DENND1B: variants seen among roughly 807,000 people sequenced by gnomAD.
DENND1B encodes the protein DENN domain-containing protein 1B.
DENND1B carries 59 observed loss-of-function variants against 90.1 expected under a neutral mutation model. The ratio of observed to expected loss-of-function variants is 0.65; its 90% confidence interval spans 0.53 to 0.81. DENND1B has a LOEUF of 0.81. Among genes scored for constraint, DENND1B ranks in the 40% least tolerant of loss-of-function variants. The pLI is 0.00. For missense variants in DENND1B, 862 were observed against 912.6 expected (o/e 0.94, Z 0.71); for synonymous variants, 337 against 324.6 (o/e 1.04, Z -0.41).
intron 2 of DENND1B, among the ~76,000 whole-genome samples, chr1:197,750,892 T>C (rs1031124452): frequency 2.6e-5 from 4 of 152,068 alleles, no homozygotes; most frequent in Non-Finnish European, 5.9e-5. Context: ...AAAGAAGACA[T>C]AATAGTTGTA....
chr1:197,702,626 A>G (rs778420482), intron 3 of DENND1B, among the ~76,000 whole-genome samples: 16 of 152,224 alleles, frequency 1.1e-4, no homozygotes, highest in Non-Finnish European at 1.9e-4. Flanking sequence ...TTGTCTATAT[A>G]CTTTTTCTTC....
At chr1:197,511,310 A>C (rs1668012063) in intron 22 of DENND1B, among the ~76,000 whole-genome samples, 1 of 151,840 alleles carries the variant, frequency 6.6e-6, no homozygotes, top group Non-Finnish European at 1.5e-5. Flanking sequence ...TGCATAAAAT[A>C]ATGTTAAAAA....
In DENND1B at chr1:197,747,140, A is replaced by G. The variant is rs906171115; in HGVS notation, c.82+25728T>C. The stretch of plus-strand genomic sequence containing the variant: ...TCATTCCTCAATTTATCTTTTCTGG[A>G]GCGTTTTCTTTTTTTCCCTCTGAAT... On this transcript the variant is annotated intron_variant, in intron 2 of 22. Transcript: ENST00000620048. The G allele has an allele frequency of 1.3e-5, 10 of 767,520 alleles. No homozygotes were observed. In the African/African-American group the frequency reaches 1.7e-4, roughly 13 times the overall value. The allele number at this position is 767,520 out of a possible 1,614,324, so 47.5% of individuals were successfully genotyped here.
chr1:197,616,574 C>T (rs917703290), intron 11 of DENND1B, among the ~76,000 whole-genome samples: 6 of 151,048 alleles, frequency 4.0e-5, no homozygotes, highest in Non-Finnish European at 7.4e-5. Context: ...AATATATTAA[C>T]GTAATCAATA....
intron 20 of DENND1B, among the ~76,000 whole-genome samples, chr1:197,537,733 A>C (rs1039631697): frequency 6.6e-6 from 1 of 152,048 alleles, no homozygotes; most frequent in Non-Finnish European, 1.5e-5. Flanking sequence ...AGAAATCAGT[A>C]ATGTATTTTT....
intron 15 of DENND1B, among the ~76,000 whole-genome samples, chr1:197,572,460 C>T (rs991663316): frequency 6.6e-6 from 1 of 152,204 alleles, no homozygotes; most frequent in African/African-American, 2.4e-5. Flanking sequence ...AGGCCTACTG[C>T]CTCTATAGAC....
At chr1:197,638,172 G>C (rs1399442914) in intron 10 of DENND1B, among the ~76,000 whole-genome samples, 1 of 152,090 alleles carries the variant, frequency 6.6e-6, no homozygotes, top group Non-Finnish European at 1.5e-5. Flanking sequence ...AAATGCCTGG[G>C]GGCAACTATA....
intron 16 of DENND1B, among the ~76,000 whole-genome samples, chr1:197,551,696 C>G (rs1254283523): frequency 9.2e-5 from 14 of 152,028 alleles, no homozygotes; most frequent in Non-Finnish European, 2.1e-4. Context: ...GCTACTAGCC[C>G]CACGGGTCAT....
chr1:197,763,219 G>A (rs1025607447), intron 2 of DENND1B, among the ~76,000 whole-genome samples: 3 of 152,178 alleles, frequency 2.0e-5, no homozygotes, highest in African/African-American at 7.2e-5. Context: ...ACTGAGGCGG[G>A]AGGATCCCTG....
At chr1:197,705,855 T>C (rs1659481439) in intron 3 of DENND1B, among the ~76,000 whole-genome samples, 2 of 152,068 alleles carry the variant, frequency 1.3e-5, no homozygotes, top group Admixed American at 6.6e-5. Flanking sequence ...GGAGTTCTTT[T>C]ACATACTTAA....
intron 18 of DENND1B, 75 bp from the exon 19 acceptor site, chr1:197,541,090 A>C: frequency 8.0e-7 from 1 of 1,253,138 alleles, no homozygotes; most frequent in Non-Finnish European, 1.1e-6. Context: ...ACAAGATCAA[A>C]TTTAATGACA....
intron 18 of DENND1B, among the ~76,000 whole-genome samples, chr1:197,543,787 TA>T (rs1427266398): frequency 6.6e-6 from 1 of 152,184 alleles, no homozygotes; most frequent in Non-Finnish European, 1.5e-5. Flanking sequence ...TTAGCTTCCC[TA>T]CTATAAAATT....
intron 2 of DENND1B, chr1:197,734,598 T>A: frequency 2.0e-6 from 2 of 982,808 alleles, no homozygotes; most frequent in Non-Finnish European, 2.4e-6. Flanking sequence ...TTGACTGCAA[T>A]ACATTACATT....
At chr1:197,729,133 CCACA>C (rs976650917) in intron 2 of DENND1B, among the ~76,000 whole-genome samples, 1 of 152,148 alleles carries the variant, frequency 6.6e-6, no homozygotes, top group Non-Finnish European at 1.5e-5. Context: ...AATACTACAA[CCACA>C]CAGACTATCC....
intron 10 of DENND1B, among the ~76,000 whole-genome samples, chr1:197,625,234 G>A (rs1466122732): frequency 6.6e-6 from 1 of 152,192 alleles, no homozygotes; most frequent in South Asian, 2.1e-4. Flanking sequence ...AAGTTGAAAT[G>A]AAGGAAAAAA....
chr1:197,578,224 GGTTTTT>G (rs1263863193), intron 15 of DENND1B, among the ~76,000 whole-genome samples: 1 of 150,034 alleles, frequency 6.7e-6, no homozygotes, highest in Non-Finnish European at 1.5e-5. Context: ...AAAAGAGTAG[GGTTTTT>G]GTTTTTGTTG....
At chr1:197,707,442 AATG>A (rs563163240) in intron 3 of DENND1B, among the ~76,000 whole-genome samples, 46 of 151,892 alleles carry the variant, frequency 3.0e-4, no homozygotes, top group African/African-American at 1.1e-3. Flanking sequence ...CAGTGAAAGA[AATG>A]ATAAAAGTTT....
chr1:197,721,609 G>C (rs1661188997), intron 2 of DENND1B, among the ~76,000 whole-genome samples: 1 of 151,950 alleles, frequency 6.6e-6, no homozygotes, highest in African/African-American at 2.4e-5. Flanking sequence ...TGAAGAACCA[G>C]TATGCATGAC....
intron 12 of DENND1B, among the ~76,000 whole-genome samples, chr1:197,609,298 AC>A (rs1003135425): frequency 3.3e-5 from 5 of 150,738 alleles, no homozygotes; most frequent in Non-Finnish European, 7.5e-5. Context: ...CAATATGGCT[AC>A]AAAGGTACTT....
Sources: gnomAD v4.1 joint callset for allele counts (sites outside exome capture counted in the v4.1 genomes callset) on GRCh38, gnomAD v4.1.1 for gene constraint, MANE v1.5 for transcripts, NCBI Gene and HGNC (gene_info 2026-07-23, HGNC 2026-07-21) for gene names.